The following CDKL5 variants were observed in gnomAD, a reference collection of about 807,000 sequenced individuals.
CDKL5 encodes cyclin-dependent kinase-like 5.
Under a neutral mutation model 61.7 loss-of-function variants are expected in CDKL5, and 8 were observed. The ratio of observed to expected loss-of-function variants is 0.13; its 90% CI spans 0.08 to 0.23. CDKL5 has a LOEUF of 0.23. CDKL5 is among the 10% of genes least tolerant of loss of function. CDKL5 has a pLI of 1.00. For missense variants in CDKL5, 440 were observed against 734.5 expected (o/e 0.60, Z 4.63); for synonymous variants, 275 against 272.3 (o/e 1.01, Z -0.10).
At chrX:18,506,082 T>G (rs1452473987) in intron 1 of CDKL5, among the ~76,000 whole-genome samples, 1 of 112,957 alleles carries the variant, frequency 8.9e-6, no homozygotes, top group Non-Finnish European at 1.9e-5. Flanking sequence ...CTGTGCTTAT[T>G]TACTTTGTTG....
chrX:18,632,656 A>G lies in CDKL5; in HGVS notation c.*3899A>G. On this transcript the variant is annotated 3_prime_UTR_variant, in exon 18 of 18. Transcript: ENST00000623535. ...ACATGCTTTAAGATTCACCTTACGC[A>G]GTTGTACTTTAATTCTAAGCTCAGA... is the stretch of plus-strand genomic sequence containing the variant. The G allele has an allele frequency of 1.3e-6, 1 of 754,184 alleles. No individual in the cohort carries two copies. The highest frequency in any genetic ancestry group is 2.3e-5 in the African/African-American group (1 of 43,888). The allele number at this position is 754,184 out of a possible 1,213,427, so 62.2% of individuals were successfully genotyped here.
intron 9 of CDKL5, among the ~76,000 whole-genome samples, chrX:18,591,918 G>A (rs891399932): frequency 3.1e-4 from 35 of 112,103 alleles, no homozygotes; most frequent in African/African-American, 1.0e-3. Context: ...TTAAGTAGCT[G>A]TTTGCAAATA....
chrX:18,621,541 G>T lies in CDKL5; in HGVS notation c.2376+1575G>T, dbSNP rs765891672. Among the ~76,000 whole-genome samples the T allele has an allele frequency of 3.7e-3, 409 of 109,941 alleles. 2 individuals carry two copies. The highest frequency in any genetic ancestry group is 0.013 in the African/African-American group (387 of 30,377). On this transcript the variant is annotated intron_variant, in intron 16 of 17. Transcript: ENST00000623535. ...CATATGTTTGTGGCAAGAAGGTGGG[G>T]TTTTTTTTTGTTTGTTTGTTTTTTA...
intron 14 of CDKL5, 133 bp from the exon 15 acceptor site, chrX:18,613,019 T>G: frequency 2.3e-6 from 1 of 435,656 alleles, no homozygotes; most frequent in Non-Finnish European, 3.7e-6. Context: ...TGCTTGAGCC[T>G]GGGAGGTCAA....
chrX:18,514,295 G>A (rs1014307635), intron 3 of CDKL5, among the ~76,000 whole-genome samples: 1 of 110,868 alleles, frequency 9.0e-6, no homozygotes, highest in African/African-American at 3.3e-5. Context: ...AAATTAAGCT[G>A]TATATATTTA....
At chrX:18,481,706 AGGTGCTAGGTG>A (rs1921587021) in intron 1 of CDKL5, among the ~76,000 whole-genome samples, 1 of 109,594 alleles carries the variant, frequency 9.1e-6, no homozygotes, top group African/African-American at 3.3e-5. Flanking sequence ...AGCAGGATCT[AGGTGCTAGGTG>A]GGTGCTAATG....
chrX:18,451,166 C>T (rs1198188665), intron 1 of CDKL5, among the ~76,000 whole-genome samples: 1 of 111,050 alleles, frequency 9.0e-6, no homozygotes, highest in African/African-American at 3.3e-5. Context: ...TGTATTAAGC[C>T]CATACCTAAA....
intron 21 of CDKL5, among the ~76,000 whole-genome samples, chrX:18,650,818 C>T (rs763347354): frequency 4.5e-5 from 5 of 112,352 alleles, no homozygotes; most frequent in African/African-American, 6.5e-5. Flanking sequence ...TCAGCGTGTG[C>T]GCAGGCCAGT....
At chrX:18,471,259 T>G (rs189803672) in intron 1 of CDKL5, among the ~76,000 whole-genome samples, 90 of 112,054 alleles carry the variant, frequency 8.0e-4, no homozygotes, top group African/African-American at 2.7e-3. Context: ...AGGTATACAA[T>G]GCATAATAAT....
chrX:18,594,041 T>C (rs1190848613), intron 9 of CDKL5, among the ~76,000 whole-genome samples: 1 of 112,610 alleles, frequency 8.9e-6, no homozygotes, highest in African/African-American at 3.2e-5. Context: ...GTCTTACCTG[T>C]ATTTTTTGTC....
intron 16 of CDKL5, among the ~76,000 whole-genome samples, chrX:18,621,876 A>G (rs775105375): frequency 8.9e-5 from 10 of 112,085 alleles, no homozygotes; most frequent in Non-Finnish European, 1.3e-4. Context: ...AGTGTTAATA[A>G]AACTTTTATC....
At chrX:18,530,940 T>G (rs1417785527) in intron 3 of CDKL5, among the ~76,000 whole-genome samples, 1 of 112,074 alleles carries the variant, frequency 8.9e-6, no homozygotes, top group Non-Finnish European at 1.9e-5. Context: ...CCTTTATAAA[T>G]AGTGAGTCTG....
intron 1 of CDKL5, among the ~76,000 whole-genome samples, chrX:18,437,850 T>C (rs986543355): frequency 3.6e-5 from 4 of 112,220 alleles, no homozygotes; most frequent in African/African-American, 9.7e-5. Context: ...TTTGCCATAC[T>C]AAGTTTGTGA....
intron 1 of CDKL5, among the ~76,000 whole-genome samples, chrX:18,468,177 C>T (rs897494258): frequency 9.0e-6 from 1 of 111,311 alleles, no homozygotes; most frequent in African/African-American, 3.3e-5. Flanking sequence ...ATAGCTATAG[C>T]TATAATTATA....
At position 18,534,644 on chromosome X, in the gene CDKL5, C is replaced by T. The variant is rs772085172; in HGVS notation, c.99+23790C>T. On this transcript the variant is annotated intron_variant, in intron 3 of 17. Transcript: ENST00000623535. ...TCATTATCTATTTGGGAGATTTTGG[C>T]CCTAATTTTCTCAAGATGAATTAGT... is the stretch of plus-strand genomic sequence containing the variant. 2.4e-4 allele frequency among the ~76,000 whole-genome samples: 27 copies of T among 111,505 alleles called. No homozygotes were observed. The East Asian group carries it at 7.4e-3, about 30-fold the overall frequency.
rs1927173195 is a variant in CDKL5 at position 18,629,458 on chromosome X, TA to T, written c.*702del. ...CAGGAGTATTTTATTCTATATATAA[TA>T]TATATATATGGTAAATATCTGTTTT... is the stretch of plus-strand genomic sequence containing the variant. On this transcript the variant is annotated 3_prime_UTR_variant, in exon 18 of 18. Coordinates refer to ENST00000623535, the MANE Select transcript of CDKL5 (RefSeq NM_001323289.2). The T allele has an allele frequency of 1.1e-5, 5 of 468,405 alleles. No homozygotes were observed. Among genetic ancestry groups the T allele is most frequent in the Non-Finnish European group, 1.3e-5 (5 of 379,550 alleles). 38.6% of individuals were successfully genotyped at this position (468,405 alleles called of 1,213,427 possible). A position where few individuals can be genotyped will look rare whatever the true frequency, so the allele number is the denominator to read the frequency against.
chrX:18,604,964 G>T, intron 12 of CDKL5, 96 bp downstream of exon 12: 1 of 1,017,314 alleles, frequency 9.8e-7, no homozygotes, highest in Non-Finnish European at 1.4e-6. Context: ...CCCTACTACA[G>T]GAGGTTGTGC....
chrX:18,519,947 A>G (rs928233207), intron 3 of CDKL5, among the ~76,000 whole-genome samples: 2 of 111,933 alleles, frequency 1.8e-5, no homozygotes, highest in Non-Finnish European at 3.8e-5. Context: ...CACATTAACC[A>G]TAAAAGTTAG....
chrX:18,471,176 A>T (rs1921081980), intron 1 of CDKL5, among the ~76,000 whole-genome samples: 1 of 109,950 alleles, frequency 9.1e-6, no homozygotes, highest in Admixed American at 9.7e-5. Context: ...AAAAATTTTT[A>T]TTTTTTATTT....
Sources: allele counts gnomAD v4.1 joint callset (sites outside exome capture counted in the v4.1 genomes callset), GRCh38; gene constraint gnomAD v4.1.1; transcripts MANE v1.5; gene names NCBI Gene and HGNC (gene_info 2026-07-23, HGNC 2026-07-21).